CABLES2: variants seen among roughly 807,000 people sequenced by gnomAD.
CABLES2 encodes the protein CDK5 and ABL1 enzyme substrate 2.
In CABLES2, 35 loss-of-function variants were observed where a neutral mutation model predicts 44.8. That is an observed-to-expected ratio of 0.78 (90% CI 0.60 to 1.04). The LOEUF is 1.04. Ranked by LOEUF, CABLES2 falls within the 50% of genes least tolerant of loss-of-function variation. CABLES2 has a pLI of 0.00. For synonymous variants in CABLES2, 282 were observed against 281.1 expected, an observed-to-expected ratio of 1.00 and a Z score of -0.03; for missense variants, 566 against 615.7, an observed-to-expected ratio of 0.92 and a Z score of 0.85.
intron 1 of CABLES2, among the ~76,000 whole-genome samples, chr20:62,400,904 C>CTT (rs988356027): frequency 6.6e-6 from 1 of 152,196 alleles, no homozygotes; most frequent in Non-Finnish European, 1.5e-5. Flanking sequence ...ATTTCCTTCT[C>CTT]TTTTCTTTTT....
intron 1 of CABLES2, among the ~76,000 whole-genome samples, chr20:62,398,091 G>GTGA (rs1263872090): frequency 6.8e-5 from 9 of 132,040 alleles, no homozygotes; most frequent in Non-Finnish European, 1.3e-4. Context: ...GGTGGTGACG[G>GTGA]TGGTGGTGGT....
chr20:62,392,727 G>C (rs1987942109), intron 7 of CABLES2, among the ~76,000 whole-genome samples, 193 bp downstream of exon 7: 1 of 152,226 alleles, frequency 6.6e-6, no homozygotes, highest in South Asian at 2.1e-4. Context: ...GAAGGGCAAG[G>C]GTGGACCCCA....
At chr20:62,393,723 G>T in intron 5 of CABLES2, 118 bp from the exon 6 acceptor site, 2 of 1,102,112 alleles carry the variant, frequency 1.8e-6, no homozygotes, top group Middle Eastern at 2.1e-4. Flanking sequence ...AAAATGAAGG[G>T]AACAACTCAG....
At chr20:62,392,823 G>T in intron 7 of CABLES2, 97 bp downstream of exon 7, 1 of 1,095,574 alleles carries the variant, frequency 9.1e-7, no homozygotes, top group Non-Finnish European at 1.4e-6. Flanking sequence ...GGCACGTCAC[G>T]CCCCTGGGGC....
rs932573660 is a variant in CABLES2, at chr20:62,407,196, C to T, written c.81G>A (p.Ser27=). ...GCGCCTGCGGCGGGGCCCGAGCGGC[C>T]GAGGTCGGCGCGGCGGGTGGCGGGG... is the stretch of plus-strand genomic sequence containing the variant. ...AGPPPPAAPT[S]AARAPPQALR... Residue 27 remains serine, a synonymous_variant, in exon 1 of 10, where the codon TCG becomes TCA. Transcript: ENST00000279101. 1 of 983,724 alleles carries T rather than the reference C, an allele frequency of 1.0e-6. No individual in the cohort carries two copies. Among genetic ancestry groups the T allele is most frequent in the African/African-American group, 1.8e-5 (1 of 56,262 alleles). 60.9% of individuals were successfully genotyped at this position (983,724 alleles called of 1,614,324 possible).
At chr20:62,401,369 G>T (rs554925519) in intron 1 of CABLES2, among the ~76,000 whole-genome samples, 2 of 152,322 alleles carry the variant, frequency 1.3e-5, no homozygotes, top group South Asian at 4.1e-4. Flanking sequence ...CAGAACCAGG[G>T]CTGTTGCAAC....
At chr20:62,404,893 C>G (rs578101727) in intron 1 of CABLES2, 1 of 152,416 alleles carries the variant, frequency 6.6e-6, no homozygotes, top group South Asian at 2.1e-4. Flanking sequence ...AGCGCACCTT[C>G]TAACAATCCC....
At position 62,391,073 on chromosome 20, in the gene CABLES2, C is replaced by G. The variant is rs1413268761; in HGVS notation, c.1335G>C (p.Leu445=). Residue 445 remains leucine (L), a synonymous_variant, in exon 10 of 10, where the codon CTG becomes CTC. Transcript: ENST00000279101. This position sits in a 1 kb window ranked among gnomAD's most constrained non-coding sequence, Gnocchi z 5.7. ...CGAGCACTGTGAACTCAAACCCTAT[C>G]AGGTCGCGCCTGTTGAATCGAAACC... is the stretch of plus-strand genomic sequence containing the variant. ...EERFRFNRRD[L]IGFEFTVLVA... is the part of the protein sequence containing the mutation. 1 of 1,614,134 alleles carries G rather than the reference C, an allele frequency of 6.2e-7. No homozygotes were observed.
intron 1 of CABLES2, among the ~76,000 whole-genome samples, chr20:62,401,340 G>A (rs536979076): frequency 2.0e-5 from 3 of 152,330 alleles, no homozygotes; most frequent in African/African-American, 7.2e-5. Flanking sequence ...AAGGGAGAAC[G>A]AGGGAGGTGC....
rs377289805 is a variant in CABLES2, at chr20:62,391,239, G to A, written c.1296+10C>T. 2.2e-5 allele frequency: 35 copies of A among 1,604,396 alleles called. No individual in the cohort carries two copies. Among genetic ancestry groups the A allele is most frequent in the Non-Finnish European group, 2.6e-5 (31 of 1,173,826 alleles). Reference sequence around the variant, plus strand: ...CCCTGCCTGCAGTGCCTGCCGAGCCGGGCACTCACATCGATGAGCTGCGTC... The same window carrying A: ...CCCTGCCTGCAGTGCCTGCCGAGCCAGGCACTCACATCGATGAGCTGCGTC... On this transcript the variant is annotated intron_variant, in intron 9 of 9. Coordinates refer to ENST00000279101, the MANE Select transcript of CABLES2 (RefSeq NM_031215.3). This position sits in a 1 kb window ranked among gnomAD's most constrained non-coding sequence, Gnocchi z 5.7.
At position 62,394,919 on chromosome 20, in the gene CABLES2, C is replaced by T; in HGVS notation, c.605+18G>A. ...GCCTAGATGGACACCGCATGCGAGG[C>T]AAGCGCTGAGTACTCACCTGATCCG... On this transcript the variant is annotated intron_variant, in intron 4 of 9. Coordinates refer to ENST00000279101, the MANE Select transcript of CABLES2 (RefSeq NM_031215.3). The T allele has an allele frequency of 6.2e-7, 1 of 1,609,936 alleles. No individual in the cohort carries two copies. The highest frequency in any genetic ancestry group is 8.5e-7 in the Non-Finnish European group (1 of 1,178,322).
chr20:62,397,944 G>GTGGTGA (rs1569017187), intron 1 of CABLES2, among the ~76,000 whole-genome samples: 1 of 24,660 alleles, frequency 4.1e-5, no homozygotes, highest in East Asian at 1.1e-3. Flanking sequence ...GGTGATGGTG[G>GTGGTGA]TGACGGTAGT....
rs1282922058 is a variant in CABLES2, at chr20:62,407,016, C to T, written c.261G>A (p.Pro87=). The T allele has an allele frequency of 1.6e-5, 18 of 1,158,082 alleles. No individual in the cohort carries two copies. The highest frequency in any genetic ancestry group is 3.3e-5 in the African/African-American group (2 of 61,498). The allele number at this position is 1,158,082 out of a possible 1,614,324, so 71.7% of individuals were successfully genotyped here. Residue 87 remains proline (P), a synonymous_variant, in exon 1 of 10, where the codon CCG becomes CCA. Transcript: ENST00000279101. ...TGGCGGGCAGCCCGGTGGGGGGCTC[C>T]GGCGGCGGCGGCGCTGGCGGTTCGC... ...EAREPPAPPP[P]EPPTGLPART...
intron 1 of CABLES2, among the ~76,000 whole-genome samples, chr20:62,398,088 A>ATGGTGATGG (rs1569017555): frequency 1.9e-5 from 1 of 52,250 alleles, no homozygotes; most frequent in Admixed American, 1.9e-4. Flanking sequence ...GGTGGTGGTG[A>ATGGTGATGG]CGGTGGTGGT....
Position 62,392,377 on chromosome 20 carries a change from G to A in CABLES2, c.1091+12C>T. On this transcript the variant is annotated intron_variant, in intron 8 of 9. Coordinates refer to ENST00000279101, the MANE Select transcript of CABLES2 (RefSeq NM_031215.3). The stretch of plus-strand genomic sequence containing the variant: ...CCCAGGACGATGAGATGGTCTGAGA[G>A]GGTGTCCTCACCTCCTGATTTTGCT... 1.3e-6 allele frequency: 2 copies of A among 1,592,464 alleles called. No individual in the cohort carries two copies. The highest frequency in any genetic ancestry group is 1.7e-6 in the Non-Finnish European group (2 of 1,160,440).
At chr20:62,401,775 G>A (rs913629131) in intron 1 of CABLES2, among the ~76,000 whole-genome samples, 8 of 152,200 alleles carry the variant, frequency 5.3e-5, no homozygotes, top group Non-Finnish European at 1.2e-4. Flanking sequence ...GGGAGCTGGG[G>A]GATTGGCCTG....
rs8668 is a variant in CABLES2, at chr20:62,389,008, A to G, written c.*1963T>C. 51,615 of 157,602 alleles carry G rather than the reference A, an allele frequency of 0.33. 9,139 individuals carry two copies. The highest frequency in any genetic ancestry group is 0.45 in the African/African-American group (18,540 of 41,554). The allele number at this position is 157,602 out of a possible 1,614,324, so 9.8% of individuals were successfully genotyped here. On this transcript the variant is annotated 3_prime_UTR_variant, in exon 10 of 10. Transcript: ENST00000279101. ...TTGGTTAATGACTAAATCTCACTAC[A>G]TGAATACGCAATCTTAAATTACTGT...
rs746562173 is a variant in CABLES2, at chr20:62,391,141, G to A, written c.1297-30C>T. On this transcript the variant is annotated intron_variant, in intron 9 of 9. Coordinates refer to ENST00000279101, the MANE Select transcript of CABLES2 (RefSeq NM_031215.3). This position sits in a 1 kb window ranked among gnomAD's most constrained non-coding sequence, Gnocchi z 5.7. ...AGGGGAGAAGAGAGAAGGGTTACAC[G>A]GGAGCCTTCCCTCTTCCACATTTCC... The A allele has an allele frequency of 8.1e-6, 13 of 1,610,468 alleles. No homozygotes were observed. Among genetic ancestry groups the A allele is most frequent in the East Asian group, 4.5e-5 (2 of 44,782 alleles).
intron 1 of CABLES2, 37 bp downstream of exon 1, chr20:62,406,878 C>A: frequency 3.5e-6 from 4 of 1,141,096 alleles, no homozygotes; most frequent in Admixed American, 4.3e-5. Context: ...TCCCTGTACC[C>A]CGCGTCCTGG....
Sources: gnomAD v4.1 joint callset for allele counts (sites outside exome capture counted in the v4.1 genomes callset) on GRCh38, gnomAD v4.1.1 for gene constraint, Gnocchi (gnomAD v3.1) non-coding constraint, MANE v1.5 for transcripts, NCBI Gene and HGNC (gene_info 2026-07-23, HGNC 2026-07-21) for gene names.